GABRG3: variants seen among roughly 807,000 people sequenced by gnomAD.
The protein encoded by GABRG3 is gamma-aminobutyric acid type A receptor subunit gamma3.
Under a neutral mutation model 48.8 loss-of-function variants are expected in GABRG3, and 25 were observed. The observed-to-expected ratio is 0.51, with a 90% CI of 0.37 to 0.72. GABRG3 has a LOEUF of 0.72. Ranked by LOEUF, GABRG3 falls within the 30% of genes least tolerant of loss-of-function variation. The pLI is 0.00. For synonymous variants in GABRG3, 227 were observed against 217.6 expected, an observed-to-expected ratio of 1.04 and a Z score of -0.38; for missense variants, 394 against 577.9, an observed-to-expected ratio of 0.68 and a Z score of 3.26.
intron 3 of GABRG3, among the ~76,000 whole-genome samples, chr15:27,202,634 T>C (rs190131385): frequency 6.6e-6 from 1 of 152,312 alleles, no homozygotes; most frequent in East Asian, 1.9e-4. Flanking sequence ...TGTCATATTA[T>C]TGCTTTATAT....
At chr15:27,052,834 G>C (rs1403855873) in intron 3 of GABRG3, among the ~76,000 whole-genome samples, 1 of 152,196 alleles carries the variant, frequency 6.6e-6, no homozygotes, top group Non-Finnish European at 1.5e-5. Context: ...AAGTGGAATA[G>C]AGTAGATAAC....
intron 3 of GABRG3, among the ~76,000 whole-genome samples, chr15:27,183,419 T>G (rs1887996930): frequency 6.6e-6 from 1 of 152,114 alleles, no homozygotes; most frequent in Admixed American, 6.6e-5. Flanking sequence ...CACAGCTGCG[T>G]CGGGAGCTGA....
intron 7 of GABRG3, among the ~76,000 whole-genome samples, chr15:27,524,426 TAAAG>T (rs1340932855): frequency 2.0e-5 from 3 of 151,910 alleles, no homozygotes; most frequent in Non-Finnish European, 2.9e-5. Context: ...ACAAAAGAAA[TAAAG>T]AAAAAATACA....
chr15:27,506,896 G>C (rs1595799068), intron 6 of GABRG3, among the ~76,000 whole-genome samples: 1 of 150,584 alleles, frequency 6.6e-6, no homozygotes, highest in East Asian at 1.9e-4. Context: ...AGTTTCTTAA[G>C]GTGGTAGCTT....
At position 27,145,199 on chromosome 15, in the gene GABRG3, A is replaced by G. The variant is rs369681922; in HGVS notation, c.270+118378A>G. Among the ~76,000 whole-genome samples, 20 of 152,240 alleles carry G rather than the reference A, an allele frequency of 1.3e-4. 1 individual carries two copies. The highest frequency in any genetic ancestry group is 4.1e-4 in the South Asian group (2 of 4,828). On this transcript the variant is annotated intron_variant, in intron 3 of 9. Transcript: ENST00000615808. ...AAAAAACCGTCAATAGAAACTGTCCATGAGGAAGTTCAGTCATTGGACTTC... is the reference window on the plus strand; with the variant it reads ...AAAAAACCGTCAATAGAAACTGTCCGTGAGGAAGTTCAGTCATTGGACTTC...
In GABRG3 at chr15:27,071,843, A is replaced by T. The variant is rs187247768; in HGVS notation, c.270+45022A>T. Among the ~76,000 whole-genome samples the T allele has an allele frequency of 2.0e-5, 3 of 152,316 alleles. No homozygotes were observed. The East Asian group carries it at 5.8e-4, about 29-fold the overall frequency. On this transcript the variant is annotated intron_variant, in intron 3 of 9. Coordinates refer to ENST00000615808, the MANE Select transcript of GABRG3 (RefSeq NM_033223.5). ...GAAGATTGTATTCAAGCGTACTAAG[A>T]TGGCTTTTCTGGTGAGCAGTTATTA...
At chr15:27,289,717 T>C (rs1279064377) in intron 3 of GABRG3, among the ~76,000 whole-genome samples, 1 of 152,176 alleles carries the variant, frequency 6.6e-6, no homozygotes, top group Non-Finnish European at 1.5e-5. Flanking sequence ...ACAGTTGGAA[T>C]GAGAGTTTAC....
intron 3 of GABRG3, among the ~76,000 whole-genome samples, chr15:27,193,810 G>A (rs748011314): frequency 4.5e-4 from 68 of 152,314 alleles, no homozygotes; most frequent in Admixed American, 1.1e-3. Context: ...CGTTTTCTGC[G>A]TCGCTCACGC....
chr15:27,173,640 G>A (rs1211011645), intron 3 of GABRG3, among the ~76,000 whole-genome samples: 1 of 150,258 alleles, frequency 6.7e-6, no homozygotes, highest in Non-Finnish European at 1.5e-5. Context: ...AGAGGCCAAA[G>A]CAGGAGGATC....
rs761769154 is a variant in GABRG3 at position 27,533,130 on chromosome 15, T to C, written c.*249T>C. The C allele has an allele frequency of 2.5e-6, 1 of 406,076 alleles. No homozygotes were observed. Among genetic ancestry groups the C allele is most frequent in the Non-Finnish European group, 4.4e-6 (1 of 226,620 alleles). 25.2% of individuals were successfully genotyped at this position (406,076 alleles called of 1,614,324 possible). ...ATATTCTTGCTAATCCCTACTGAAT[T>C]GTAGCTTGGTGTTGTTTCTGAATGG... On this transcript the variant is annotated 3_prime_UTR_variant, in exon 10 of 10. Coordinates refer to ENST00000615808, the MANE Select transcript of GABRG3 (RefSeq NM_033223.5).
chr15:27,310,554 C>G (rs1302680729), intron 3 of GABRG3, among the ~76,000 whole-genome samples: 1 of 152,098 alleles, frequency 6.6e-6, no homozygotes, highest in East Asian at 1.9e-4. Flanking sequence ...TATCCATAAA[C>G]TGATCTGCAG....
chr15:27,478,925 A>G (rs1202346347), intron 5 of GABRG3, among the ~76,000 whole-genome samples: 23 of 152,212 alleles, frequency 1.5e-4, no homozygotes, highest in Admixed American at 1.5e-3. Flanking sequence ...TCCCATTTAT[A>G]TAAAATGTCC....
intron 3 of GABRG3, among the ~76,000 whole-genome samples, chr15:27,119,991 T>C (rs539264715): frequency 1.3e-5 from 2 of 152,352 alleles, no homozygotes; most frequent in South Asian, 2.1e-4. Context: ...CCACAGGTCC[T>C]TGTCATACTC....
rs75249855 is a variant in GABRG3, at chr15:27,234,795, G to A, written c.271-92014G>A. Among the ~76,000 whole-genome samples the A allele has an allele frequency of 2.6e-3, 390 of 152,258 alleles. 1 individual carries two copies. Among genetic ancestry groups the A allele is most frequent in the African/African-American group, 8.6e-3 (356 of 41,542 alleles). ...CCAGTGACCCTCTCTCATGAATGAC[G>A]TAATAATTAGGAAGCAAAGGGATCT... On this transcript the variant is annotated intron_variant, in intron 3 of 9. Transcript: ENST00000615808.
chr15:27,097,188 C>T (rs1257918640), intron 3 of GABRG3, among the ~76,000 whole-genome samples: 2 of 151,910 alleles, frequency 1.3e-5, no homozygotes, highest in Non-Finnish European at 2.9e-5. Context: ...TTCTACCAGA[C>T]TTTGAGCTCT....
chr15:27,025,866 G>A (rs999559545), intron 2 of GABRG3, among the ~76,000 whole-genome samples: 5 of 152,328 alleles, frequency 3.3e-5, no homozygotes, highest in Admixed American at 1.3e-4. Context: ...AAATTTTCTG[G>A]AATTGGCTCT....
At chr15:27,407,867 A>G (rs974683780) in intron 5 of GABRG3, among the ~76,000 whole-genome samples, 1 of 152,140 alleles carries the variant, frequency 6.6e-6, no homozygotes, top group Non-Finnish European at 1.5e-5. Flanking sequence ...CATTGAAACT[A>G]CTCTGTACGA....
At chr15:27,106,462 T>G (rs879489898) in intron 3 of GABRG3, among the ~76,000 whole-genome samples, 1 of 151,030 alleles carries the variant, frequency 6.6e-6, no homozygotes, top group Admixed American at 6.6e-5. Context: ...AAAGAAGGAA[T>G]GAAGGAAAGA....
At chr15:27,273,686 T>G (rs1891161326) in intron 3 of GABRG3, among the ~76,000 whole-genome samples, 1 of 152,236 alleles carries the variant, frequency 6.6e-6, no homozygotes, top group African/African-American at 2.4e-5. Context: ...CCTAGTCAGC[T>G]GCTGTATATC....
Sources: allele counts gnomAD v4.1 joint callset (sites outside exome capture counted in the v4.1 genomes callset), GRCh38; gene constraint gnomAD v4.1.1; transcripts MANE v1.5; gene names NCBI Gene and HGNC (gene_info 2026-07-23, HGNC 2026-07-21).